The following HECW1 variants were observed in gnomAD, a reference collection of about 807,000 sequenced individuals.
The protein encoded by HECW1 is HECT, C2 and WW domain containing E3 ubiquitin protein ligase 1.
Under a neutral mutation model 182.3 loss-of-function variants are expected in HECW1, and 61 were observed. The observed-to-expected ratio is 0.33, with a 90% CI of 0.27 to 0.41. The LOEUF (loss-of-function observed/expected upper bound fraction) is 0.41. Among genes scored for constraint, HECW1 ranks in the 10% least tolerant of loss-of-function variants. HECW1 has a pLI of 1.00. For missense variants in HECW1, 1,739 were observed against 2,108.9 expected (o/e 0.82, Z 3.44); for synonymous variants, 859 against 832.6 (o/e 1.03, Z -0.55).
At chr7:43,293,360 T>C (rs1805656544) in intron 3 of HECW1, among the ~76,000 whole-genome samples, 1 of 152,156 alleles carries the variant, frequency 6.6e-6, no homozygotes, top group African/African-American at 2.4e-5. Flanking sequence ...AGGTTTCCCA[T>C]TGGCCACTTC....
chr7:43,411,006 GCCCT>G (rs1191405448), intron 8 of HECW1, among the ~76,000 whole-genome samples: 1 of 147,680 alleles, frequency 6.8e-6, no homozygotes, highest in Non-Finnish European at 1.5e-5. Context: ...TTTTATATAT[GCCCT>G]TATTTTCATT....
chr7:43,500,965 A>G (rs935328665), intron 20 of HECW1, among the ~76,000 whole-genome samples, 183 bp downstream of exon 20: 3 of 152,216 alleles, frequency 2.0e-5, no homozygotes, highest in Non-Finnish European at 4.4e-5. Context: ...TAGATTTGCA[A>G]TTGAGCTAGC....
At chr7:43,177,754 G>A (rs971214834) in intron 2 of HECW1, among the ~76,000 whole-genome samples, 3 of 152,124 alleles carry the variant, frequency 2.0e-5, no homozygotes, top group Non-Finnish European at 2.9e-5. Flanking sequence ...CACAGCGTCT[G>A]GCACAAACAC....
At chr7:43,559,001 C>T (rs1368943896) in intron 29 of HECW1, among the ~76,000 whole-genome samples, 6 of 152,246 alleles carry the variant, frequency 3.9e-5, no homozygotes, top group African/African-American at 1.4e-4. Context: ...GAAGACACAA[C>T]TTACATAACC....
chr7:43,555,593 A>G (rs1267191774), intron 29 of HECW1, among the ~76,000 whole-genome samples: 1 of 152,376 alleles, frequency 6.6e-6, no homozygotes, highest in Non-Finnish European at 1.5e-5. Context: ...CTATTTCTAC[A>G]TGGCCACCCA....
At chr7:43,140,589 G>A (rs556720467) in intron 2 of HECW1, among the ~76,000 whole-genome samples, 24 of 152,172 alleles carry the variant, frequency 1.6e-4, no homozygotes, top group African/African-American at 3.9e-4. Flanking sequence ...TCTAAATGGC[G>A]TCCCAAAAGA....
At chr7:43,183,896 G>T (rs1793103119) in intron 2 of HECW1, among the ~76,000 whole-genome samples, 2 of 152,002 alleles carry the variant, frequency 1.3e-5, no homozygotes, top group South Asian at 4.2e-4. Context: ...ACAAGTGTAG[G>T]CACACTTTTA....
chr7:43,374,227 T>C lies in HECW1; in HGVS notation c.555+13247T>C, dbSNP rs555483353. Among the ~76,000 whole-genome samples, 5 of 152,346 alleles carry C rather than the reference T, an allele frequency of 3.3e-5. No individual in the cohort carries two copies. In the South Asian group the frequency reaches 1.0e-3, roughly 32 times the overall value. On this transcript the variant is annotated intron_variant, in intron 6 of 29. Transcript: ENST00000395891. ...CGAAAATTCATAGAGGTTGGCTCCT[T>C]TTGAAATAAATTCAATGTAAAGAAA... is the stretch of plus-strand genomic sequence containing the variant.
intron 13 of HECW1, among the ~76,000 whole-genome samples, chr7:43,462,569 G>C (rs73098730): frequency 1.3e-5 from 2 of 152,066 alleles, no homozygotes; most frequent in African/African-American, 4.8e-5. Context: ...GGAGACTCAG[G>C]GGGTGGGGCT....
chr7:43,323,318 G>A (rs780200075), intron 5 of HECW1, among the ~76,000 whole-genome samples: 18 of 152,244 alleles, frequency 1.2e-4, no homozygotes, highest in East Asian at 5.8e-4. Flanking sequence ...ATTATAGGCC[G>A]GGCAAGGTAG....
rs149116540 is a variant in HECW1, at chr7:43,351,636, A to G, written c.461-9250A>G. Among the ~76,000 whole-genome samples the G allele has an allele frequency of 2.6e-3, 349 of 136,602 alleles. 1 individual carries two copies. Among genetic ancestry groups the G allele is most frequent in the African/African-American group, 9.2e-3 (336 of 36,508 alleles). 89.6% of individuals were successfully genotyped at this position (136,602 alleles called of 152,430 possible). On this transcript the variant is annotated intron_variant, in intron 5 of 29. Transcript: ENST00000395891. ...GATGACTCTGATATCTGGAAATTCTATGTATCTGCCTTTTCTTTGTCAGCT... is the reference window on the plus strand; with the variant it reads ...GATGACTCTGATATCTGGAAATTCTGTGTATCTGCCTTTTCTTTGTCAGCT...
At chr7:43,339,446 T>A (rs2152799080) in intron 5 of HECW1, among the ~76,000 whole-genome samples, 1 of 152,312 alleles carries the variant, frequency 6.6e-6, no homozygotes, top group Non-Finnish European at 1.5e-5. Flanking sequence ...AGTAATAAAA[T>A]CCTCATTTGA....
At chr7:43,319,197 G>A (rs781093480) in intron 4 of HECW1, among the ~76,000 whole-genome samples, 2 of 151,628 alleles carry the variant, frequency 1.3e-5, no homozygotes, top group Non-Finnish European at 2.9e-5. Flanking sequence ...ACCATCCTGG[G>A]TAACACGGTG....
At chr7:43,220,816 AAG>A (rs1447514095) in intron 2 of HECW1, among the ~76,000 whole-genome samples, 4 of 152,174 alleles carry the variant, frequency 2.6e-5, no homozygotes, top group Non-Finnish European at 4.4e-5. Context: ...CCCTGGAACA[AAG>A]GAGAGAAGGG....
intron 11 of HECW1, among the ~76,000 whole-genome samples, chr7:43,446,024 G>A (rs1200822859): frequency 6.6e-6 from 1 of 152,124 alleles, no homozygotes; most frequent in East Asian, 1.9e-4. Flanking sequence ...GTTAATATTA[G>A]TTGAAGAACA....
At chr7:43,529,663 A>G (rs2080902258) in intron 24 of HECW1, among the ~76,000 whole-genome samples, 1 of 152,120 alleles carries the variant, frequency 6.6e-6, no homozygotes, top group African/African-American at 2.4e-5. Context: ...AATGCTACCC[A>G]ACCTTAACAC....
At chr7:43,374,405 C>T (rs9639873) in intron 6 of HECW1, among the ~76,000 whole-genome samples, 60,505 of 151,854 alleles carry the variant, frequency 0.4, 13,011 homozygotes, top group African/African-American at 0.55. Context: ...TTAGAGACCA[C>T]GGGAAAAGGA....
intron 12 of HECW1, 49 bp from the exon 13 acceptor site, chr7:43,456,248 T>C: frequency 6.4e-7 from 1 of 1,566,896 alleles, no homozygotes; most frequent in African/African-American, 1.4e-5. Flanking sequence ...TTCACGTGGG[T>C]CAGTAGTTTG....
intron 3 of HECW1, among the ~76,000 whole-genome samples, chr7:43,294,629 A>C (rs1181165223): frequency 6.6e-6 from 1 of 152,172 alleles, no homozygotes; most frequent in Non-Finnish European, 1.5e-5. Context: ...CATTTCCTGA[A>C]GGGGTCAGGA....
Sources: allele counts gnomAD v4.1 joint callset (sites outside exome capture counted in the v4.1 genomes callset), GRCh38; gene constraint gnomAD v4.1.1; transcripts MANE v1.5; gene names NCBI Gene and HGNC (gene_info 2026-07-23, HGNC 2026-07-21).